Variants in GALNT17 observed in about 807,000 individuals in gnomAD.
GALNT17 encodes UDP-GalNAc:polypeptide N-acetylgalactosaminyltransferase-like 3.
GALNT17 carries 29 observed loss-of-function variants against 63.7 expected under a neutral mutation model. The observed-to-expected ratio is 0.46, with a 90% CI of 0.34 to 0.62. GALNT17 has a LOEUF of 0.62. Among genes scored for constraint, GALNT17 ranks in the 20% least tolerant of loss-of-function variants. The probability of loss-of-function intolerance (pLI) is 0.01; values close to 1 mark genes in which losing one functional copy is unlikely to be tolerated. For missense variants in GALNT17, 603 were observed against 799.6 expected, an observed-to-expected ratio of 0.75 and a Z score of 2.97; for synonymous variants, 305 against 318.3, an observed-to-expected ratio of 0.96 and a Z score of 0.45.
At chr7:71,648,382 C>T (rs978684649) in intron 6 of GALNT17, among the ~76,000 whole-genome samples, 4 of 151,872 alleles carry the variant, frequency 2.6e-5, no homozygotes, top group East Asian at 3.9e-4. Flanking sequence ...ACAATTCTCC[C>T]GCGTCAGCCT....
chr7:71,312,003 G>T (rs1344583157), intron 1 of GALNT17, among the ~76,000 whole-genome samples: 1 of 152,172 alleles, frequency 6.6e-6, no homozygotes, highest in African/African-American at 2.4e-5. Context: ...CATGAGTGCC[G>T]TGACAGTTTA....
In GALNT17 at chr7:71,679,520, C is replaced by T. The variant is rs78363403; in HGVS notation, c.1500+2214C>T. On this transcript the variant is annotated intron_variant, in intron 9 of 10. Coordinates refer to ENST00000333538, the MANE Select transcript of GALNT17 (RefSeq NM_022479.3). The stretch of plus-strand genomic sequence containing the variant: ...GGCAGCTGGTATGATGCAGTCTTTG[C>T]TCCCAAATCGTTTACCCTTGAAGGG... Among the ~76,000 whole-genome samples, 633 of 152,296 alleles carry T rather than the reference C, an allele frequency of 4.2e-3. 3 individuals carry two copies. Among genetic ancestry groups the T allele is most frequent in the Admixed American group, 7.3e-3 (111 of 15,296 alleles).
intron 6 of GALNT17, among the ~76,000 whole-genome samples, chr7:71,664,528 T>G (rs1186340591): frequency 6.6e-6 from 1 of 152,114 alleles, no homozygotes; most frequent in Non-Finnish European, 1.5e-5. Flanking sequence ...GGAGGATCAC[T>G]TGAAGCCAGG....
chr7:71,321,902 C>CCTTCCTTCCTTCCTTCCTTCTTTT (rs1791616985), intron 1 of GALNT17, among the ~76,000 whole-genome samples: 1 of 70,006 alleles, frequency 1.4e-5, no homozygotes. Context: ...TTCCTTCCTT[C>CCTTCCTTCCTTCCTTCCTTCTTTT]CTTCCTTCCT....
chr7:71,700,519 T>G (rs1382336761), intron 9 of GALNT17, among the ~76,000 whole-genome samples: 1 of 152,134 alleles, frequency 6.6e-6, no homozygotes, highest in African/African-American at 2.4e-5. Flanking sequence ...CTGAGCTTGA[T>G]GGACTCCATC....
chr7:71,272,422 C>T (rs1440946271), intron 1 of GALNT17, among the ~76,000 whole-genome samples: 1 of 152,176 alleles, frequency 6.6e-6, no homozygotes, highest in African/African-American at 2.4e-5. Context: ...CAAAGTGGCT[C>T]TACTATTTTG....
At chr7:71,524,011 G>C (rs545671779) in intron 5 of GALNT17, among the ~76,000 whole-genome samples, 1 of 150,280 alleles carries the variant, frequency 6.7e-6, no homozygotes, top group African/African-American at 2.4e-5. Context: ...CCAGCTACTC[G>C]GGAGGCTGAG....
intron 5 of GALNT17, among the ~76,000 whole-genome samples, chr7:71,493,398 A>G (rs1206704651): frequency 2.0e-5 from 3 of 152,166 alleles, no homozygotes; most frequent in South Asian, 2.1e-4. Flanking sequence ...CCATTTTCAC[A>G]CTGCTGACAA....
chr7:71,308,140 AC>A (rs1791341483), intron 1 of GALNT17, among the ~76,000 whole-genome samples: 1 of 152,148 alleles, frequency 6.6e-6, no homozygotes. Flanking sequence ...GAGCAAGGAA[AC>A]AAAGTATATA....
intron 2 of GALNT17, among the ~76,000 whole-genome samples, chr7:71,386,278 A>T (rs906437027): frequency 6.6e-6 from 1 of 152,190 alleles, no homozygotes; most frequent in Non-Finnish European, 1.5e-5. Flanking sequence ...ACATAGCCCA[A>T]GCTGCTCAGC....
At chr7:71,385,605 A>T (rs1792928082) in intron 2 of GALNT17, among the ~76,000 whole-genome samples, 1 of 152,068 alleles carries the variant, frequency 6.6e-6, no homozygotes, top group Admixed American at 6.5e-5. Flanking sequence ...ACCCCAGGGG[A>T]GGTGGAGCCG....
chr7:71,692,477 CTTACTCT>C, intron 9 of GALNT17, among the ~76,000 whole-genome samples: 1 of 152,056 alleles, frequency 6.6e-6, no homozygotes, highest in Non-Finnish European at 1.5e-5. Flanking sequence ...TATTTAGTGC[CTTACTCT>C]TTACTCTTTA....
intron 7 of GALNT17, among the ~76,000 whole-genome samples, chr7:71,665,887 G>A (rs1199107708): frequency 6.6e-6 from 1 of 152,098 alleles, no homozygotes; most frequent in Non-Finnish European, 1.5e-5. Context: ...ATGATATGCT[G>A]TGTCCAGGAA....
At chr7:71,180,711 A>G (rs567447726) in intron 1 of GALNT17, among the ~76,000 whole-genome samples, 18 of 152,268 alleles carry the variant, frequency 1.2e-4, no homozygotes, top group African/African-American at 3.9e-4. Context: ...TAGGAGTTGT[A>G]TTTCAGCTGG....
In GALNT17 at chr7:71,236,472, A is replaced by C. The variant is rs73700665; in HGVS notation, c.239-99078A>C. Among the ~76,000 whole-genome samples, 1,284 of 152,288 alleles carry C rather than the reference A, an allele frequency of 8.4e-3. 18 individuals are homozygous for C. Among genetic ancestry groups the C allele is most frequent in the African/African-American group, 0.029 (1,222 of 41,564 alleles). ...TCTCCTGCTTAGGGCGTTTTTCTCC[A>C]GGGCTCTGCAAACTACACATCCTGG... On this transcript the variant is annotated intron_variant, in intron 1 of 10. Coordinates refer to ENST00000333538, the MANE Select transcript of GALNT17 (RefSeq NM_022479.3).
chr7:71,417,275 G>A (rs1786552768), intron 4 of GALNT17, among the ~76,000 whole-genome samples: 1 of 152,086 alleles, frequency 6.6e-6, no homozygotes, highest in Non-Finnish European at 1.5e-5. Flanking sequence ...TTAATGGCAG[G>A]ATAAAAAGAC....
chr7:71,193,066 CATTTATTTATTTATTTATTTATTTATTT>C (rs138751530), intron 1 of GALNT17, among the ~76,000 whole-genome samples: 3 of 140,590 alleles, frequency 2.1e-5, no homozygotes, highest in African/African-American at 7.9e-5. Flanking sequence ...CATCATCTAC[CATTTATTTATTTATTTATTTATTTATTT>C]ATTTATTTAT....
chr7:71,262,673 T>TA (rs993736223), intron 1 of GALNT17, among the ~76,000 whole-genome samples: 11 of 149,712 alleles, frequency 7.3e-5, no homozygotes, highest in Admixed American at 1.3e-4. Context: ...CCTTTTTTTT[T>TA]ACTTTCTTTT....
At chr7:71,406,151 G>C (rs1793325324) in intron 3 of GALNT17, among the ~76,000 whole-genome samples, 1 of 152,176 alleles carries the variant, frequency 6.6e-6, no homozygotes, top group Non-Finnish European at 1.5e-5. Flanking sequence ...CATTTTTAGT[G>C]AGCTTGGTTA....
Sources: allele counts gnomAD v4.1 joint callset (sites outside exome capture counted in the v4.1 genomes callset), GRCh38; gene constraint gnomAD v4.1.1; transcripts MANE v1.5; gene names NCBI Gene and HGNC (gene_info 2026-07-23, HGNC 2026-07-21).